The following PUS7L variants were observed in gnomAD, a reference collection of about 807,000 sequenced individuals.
PUS7L encodes the protein pseudouridine synthase 7 like, also known as pseudouridylate synthase PUS7L.
In PUS7L, 49 loss-of-function variants were observed where a neutral mutation model predicts 51.1. The observed-to-expected ratio is 0.96, with a 90% confidence interval of 0.76 to 1.22. PUS7L has a LOEUF of 1.22. Among genes scored for constraint, PUS7L ranks in the 50% most tolerant of loss-of-function variants. PUS7L has a pLI of 0.00. For missense variants in PUS7L, 828 were observed against 820.6 expected (o/e 1.01, Z -0.11); for synonymous variants, 277 against 276.2 (o/e 1.00, Z -0.03).
At chr12:43,741,896 A>G (rs1937917543) in intron 5 of PUS7L, among the ~76,000 whole-genome samples, 1 of 152,156 alleles carries the variant, frequency 6.6e-6, no homozygotes, top group South Asian at 2.1e-4. Flanking sequence ...TAATTTTTAT[A>G]GTTTTATAGT....
At chr12:43,738,797 A>G (rs1217309175) in intron 5 of PUS7L, 3 of 288,176 alleles carry the variant, frequency 1.0e-5, no homozygotes, top group African/African-American at 7.0e-5. Flanking sequence ...AAGTATTATA[A>G]ATAGTAAAAC....
In PUS7L at chr12:43,736,664, G is replaced by A. The variant is rs759229264; in HGVS notation, c.1445-3C>T. 5 of 1,611,906 alleles carry A rather than the reference G, an allele frequency of 3.1e-6. No individual in the cohort carries two copies. Among genetic ancestry groups the A allele is most frequent in the Middle Eastern group, 1.7e-4 (1 of 6,056 alleles). On this transcript the variant is annotated splice_polypyrimidine_tract_variant and splice_region_variant and intron_variant, in intron 6 of 8. Coordinates refer to ENST00000344862, the MANE Select transcript of PUS7L (RefSeq NM_031292.5). ...TGAAAGTGTGCCTTTAGCATCCTCT[G>A]AAACAAAGGGTAAATCAGGTATAGT...
rs775902811 is a variant in PUS7L, at chr12:43,746,232, T to G, written c.1077A>C (p.Lys359Asn). Residue 359 changes from lysine to asparagine, a missense_variant, in exon 4 of 9, where the codon AAA becomes AAC. Lys to Asn is a moderately conservative substitution (Grantham distance 94). Transcript: ENST00000344862. ...VVRKVTPERL[K>N]NIEKEIEKKR... ...TCTTTTCAATTTCTTTTTCAATATT[T>G]TTCAACCTGTAAGTAATAAATCATA... is the stretch of plus-strand genomic sequence containing the variant. The G allele has an allele frequency of 1.6e-6, 2 of 1,251,446 alleles. No individual in the cohort carries two copies. The highest frequency in any genetic ancestry group is 2.2e-6 in the Non-Finnish European group (2 of 890,740). 77.5% of individuals were successfully genotyped at this position (1,251,446 alleles called of 1,614,324 possible). A position where few individuals can be genotyped will look rare whatever the true frequency, so the allele number is the denominator to read the frequency against.
intron 2 of PUS7L, among the ~76,000 whole-genome samples, chr12:43,750,939 C>G (rs190806168): frequency 2.6e-5 from 4 of 152,238 alleles, no homozygotes; most frequent in African/African-American, 2.4e-5. Flanking sequence ...TTCCAGAAAT[C>G]TACATAAATC....
chr12:43,725,407 T>C lies in PUS7L; in HGVS notation c.*4969A>G, dbSNP rs935891647. 5.3e-5 allele frequency: 8 copies of C among 151,122 alleles called. No homozygotes were observed. The highest frequency in any genetic ancestry group is 2.0e-4 in the African/African-American group (8 of 40,752). The allele number at this position is 151,122 out of a possible 1,614,324, so 9.4% of individuals were successfully genotyped here. On this transcript the variant is annotated 3_prime_UTR_variant, in exon 9 of 9. Transcript: ENST00000344862. ...TATATCAAGTTGGTAGAAATGGAAG[T>C]TATATTTTAATTTTTAGTTTAGTTT...
intron 4 of PUS7L, among the ~76,000 whole-genome samples, chr12:43,745,453 T>C (rs1938117625): frequency 6.6e-6 from 1 of 152,198 alleles, no homozygotes; most frequent in Non-Finnish European, 1.5e-5. Context: ...CAATATTTGA[T>C]GGTTTTATAA....
At chr12:43,733,510 T>A (rs1433749094) in intron 7 of PUS7L, among the ~76,000 whole-genome samples, 2 of 152,148 alleles carry the variant, frequency 1.3e-5, no homozygotes, top group Non-Finnish European at 2.9e-5. Flanking sequence ...CTCCTATAGC[T>A]CCAAAAAGAA....
Position 43,722,574 on chromosome 12 carries a change from T to C in PUS7L, c.*7802A>G, listed in dbSNP as rs1944410043. 6.6e-6 allele frequency: 1 copy of C among 152,162 alleles called. No homozygotes were observed. Among genetic ancestry groups the C allele is most frequent in the Non-Finnish European group, 1.5e-5 (1 of 67,982 alleles). The allele number at this position is 152,162 out of a possible 1,614,324, so 9.4% of individuals were successfully genotyped here. ...TATTCGATTCCTTTGCGATATTTTA[T>C]AGAAAAATAAATTAGTTTCCTTTTG... On this transcript the variant is annotated 3_prime_UTR_variant, in exon 9 of 9. Coordinates refer to ENST00000344862, the MANE Select transcript of PUS7L (RefSeq NM_031292.5).
Position 43,731,600 on chromosome 12 carries a change from A to G in PUS7L, c.1779+105T>C. On this transcript the variant is annotated intron_variant, in intron 8 of 8. Transcript: ENST00000344862. ...TGTATATAAATTATACCTTAATTTA[A>G]AAGTTGTTTAATAAAAAAGAGGAGG... 4 of 609,348 alleles carry G rather than the reference A, an allele frequency of 6.6e-6. No individual in the cohort carries two copies. In the Admixed American group the frequency reaches 1.3e-4, roughly 20 times the overall value. 37.7% of individuals were successfully genotyped at this position (609,348 alleles called of 1,614,324 possible). A position where few individuals can be genotyped will look rare whatever the true frequency, so the allele number is the denominator to read the frequency against.
chr12:43,737,397 T>C (rs1048086793), intron 6 of PUS7L, among the ~76,000 whole-genome samples: 3 of 152,092 alleles, frequency 2.0e-5, no homozygotes, highest in African/African-American at 7.2e-5. Flanking sequence ...GGCACAAAAA[T>C]ACTACTTTCC....
rs1253645048 is a variant in PUS7L at position 43,751,842 on chromosome 12, C to T, written c.910+2494G>A. Among the ~76,000 whole-genome samples, 4 of 152,206 alleles carry T rather than the reference C, an allele frequency of 2.6e-5. No individual in the cohort carries two copies. The South Asian group carries it at 6.2e-4, about 24-fold the overall frequency. ...GTGTAAAAGTGTTCCTATTTCTCCACATCCTCTCTAGCACCTGTCACCTGT... is the reference window on the plus strand; with the variant it reads ...GTGTAAAAGTGTTCCTATTTCTCCATATCCTCTCTAGCACCTGTCACCTGT... On this transcript the variant is annotated intron_variant, in intron 2 of 8. Coordinates refer to ENST00000344862, the MANE Select transcript of PUS7L (RefSeq NM_031292.5).
rs1011602584 is a variant in PUS7L, at chr12:43,724,741, A to G, written c.*5635T>C. The G allele has an allele frequency of 2.0e-5, 3 of 152,184 alleles. No individual in the cohort carries two copies. Among genetic ancestry groups the G allele is most frequent in the Admixed American group, 1.3e-4 (2 of 15,274 alleles). The allele number at this position is 152,184 out of a possible 1,614,324, so 9.4% of individuals were successfully genotyped here. On this transcript the variant is annotated 3_prime_UTR_variant, in exon 9 of 9. Coordinates refer to ENST00000344862, the MANE Select transcript of PUS7L (RefSeq NM_031292.5). ...CCATCTCTGATTTCAGGGATTCTCA[A>G]CTGTACCAGTATATTTCCCATACTC...
At position 43,755,252 on chromosome 12, in the gene PUS7L, A is replaced by AT. The variant is rs776507995; in HGVS notation, c.-8dup. The AT allele has an allele frequency of 2.4e-5, 38 of 1,559,196 alleles. No individual in the cohort carries two copies. In the Admixed American group the frequency reaches 5.9e-4, roughly 24 times the overall value. On this transcript the variant is annotated 5_prime_UTR_variant, in exon 2 of 9. The change creates a premature stop within an existing upstream ORF in the 5' untranslated region. Transcript: ENST00000344862. ...AATCTGTATCTTCTTCCATTCTTCT[A>AT]TAACAGTGCCTAGAAAACAAAACAA...
chr12:43,735,502 C>T lies in PUS7L; in HGVS notation c.1725+879G>A, dbSNP rs181509769. ...ATCATATTTAGATAAAATCACATTT[C>T]TATAAAAGAAATACACACATTACAT... On this transcript the variant is annotated intron_variant, in intron 7 of 8. Transcript: ENST00000344862. Among the ~76,000 whole-genome samples, 13 of 151,634 alleles carry T rather than the reference C, an allele frequency of 8.6e-5. No individual in the cohort carries two copies. In the East Asian group the frequency reaches 2.5e-3, roughly 30 times the overall value.
In PUS7L at chr12:43,727,236, G is replaced by A. The variant is rs889046888; in HGVS notation, c.*3140C>T. 3 of 152,156 alleles carry A rather than the reference G, an allele frequency of 2.0e-5. No homozygotes were observed. Among genetic ancestry groups the A allele is most frequent in the African/African-American group, 7.2e-5 (3 of 41,430 alleles). 9.4% of individuals were successfully genotyped at this position (152,156 alleles called of 1,614,324 possible). On this transcript the variant is annotated 3_prime_UTR_variant, in exon 9 of 9. Transcript: ENST00000344862. Reference sequence around the variant, plus strand: ...AAAGGGAATGCTATACACTGCTGATGGGAATATAAATTAGTTCAGCCTCTG... The same window carrying A: ...AAAGGGAATGCTATACACTGCTGATAGGAATATAAATTAGTTCAGCCTCTG...
intron 7 of PUS7L, among the ~76,000 whole-genome samples, chr12:43,735,504 A>G (rs111683947): frequency 6.6e-6 from 1 of 152,094 alleles, no homozygotes; most frequent in Non-Finnish European, 1.5e-5. Context: ...TCACATTTCT[A>G]TAAAAGAAAT....
chr12:43,747,196 G>C (rs556338986), intron 3 of PUS7L, among the ~76,000 whole-genome samples: 2 of 152,272 alleles, frequency 1.3e-5, no homozygotes, highest in South Asian at 4.1e-4. Context: ...ATAAGTTACA[G>C]ATTTAAGTAT....
intron 7 of PUS7L, among the ~76,000 whole-genome samples, chr12:43,733,349 A>G (rs1944605305): frequency 6.6e-6 from 1 of 152,104 alleles, no homozygotes; most frequent in South Asian, 2.1e-4. Context: ...TCCTTTTCAT[A>G]TTTTATATTT....
intron 1 of PUS7L, chr12:43,758,286 C>G: frequency 2.0e-6 from 2 of 984,552 alleles, no homozygotes; most frequent in Non-Finnish European, 2.4e-6. Context: ...TGGAACTGAC[C>G]TGGAGGACAG....
Sources: allele counts gnomAD v4.1 joint callset (sites outside exome capture counted in the v4.1 genomes callset), GRCh38; gene constraint gnomAD v4.1.1; transcripts MANE v1.5; gene names NCBI Gene and HGNC (gene_info 2026-07-23, HGNC 2026-07-21).